The following ZDHHC19 variants were observed in gnomAD, a reference collection of about 807,000 sequenced individuals.
The protein encoded by ZDHHC19 is palmitoyltransferase ZDHHC19.
A neutral mutation model predicts 33.9 loss-of-function variants in ZDHHC19; 30 were observed. The observed-to-expected ratio is 0.88, with a 90% CI of 0.66 to 1.20. ZDHHC19 has a LOEUF of 1.20. Among genes scored for constraint, ZDHHC19 ranks in the 50% most tolerant of loss-of-function variants. The pLI is 0.00. For synonymous variants in ZDHHC19, 178 were observed against 167.6 expected, an observed-to-expected ratio of 1.06 and a Z score of -0.48; for missense variants, 364 against 401.1, an observed-to-expected ratio of 0.91 and a Z score of 0.79.
chr3:196,209,622 G>T, intron 2 of ZDHHC19, 107 bp from the exon 3 acceptor site: 1 of 1,425,820 alleles, frequency 7.0e-7, no homozygotes, highest in Non-Finnish European at 9.5e-7. Flanking sequence ...GACAAGGTGG[G>T]CAGGGGAACC....
intron 5 of ZDHHC19, among the ~76,000 whole-genome samples, chr3:196,206,123 C>T (rs992240979): frequency 1.3e-5 from 2 of 152,074 alleles, no homozygotes; most frequent in African/African-American, 4.8e-5. Context: ...ACAATCTCGG[C>T]TCACTGCAAC....
At chr3:196,209,145 T>C in intron 3 of ZDHHC19, 1 of 571,822 alleles carries the variant, frequency 1.7e-6, no homozygotes, top group South Asian at 2.4e-5. Flanking sequence ...CCAGGACAGA[T>C]GCGGATGCCC....
chr3:196,201,132 G>A (rs910720352), intron 5 of ZDHHC19, among the ~76,000 whole-genome samples: 1 of 151,562 alleles, frequency 6.6e-6, no homozygotes, highest in African/African-American at 2.4e-5. Context: ...GAGTGCAGTG[G>A]CACGATCTTG....
intron 5 of ZDHHC19, among the ~76,000 whole-genome samples, chr3:196,201,977 T>A (rs990294974): frequency 6.6e-5 from 10 of 152,068 alleles, no homozygotes; most frequent in African/African-American, 2.4e-4. Flanking sequence ...TATGGATTCC[T>A]TTGTTGGTTG....
chr3:196,205,663 T>C (rs1174741757), intron 5 of ZDHHC19, among the ~76,000 whole-genome samples: 1 of 152,188 alleles, frequency 6.6e-6, no homozygotes, highest in East Asian at 1.9e-4. Context: ...CTTTTTGTTT[T>C]GGTTTTTGTT....
intron 5 of ZDHHC19, among the ~76,000 whole-genome samples, chr3:196,200,334 ATATATATATG>A (rs1160033173): frequency 3.2e-3 from 252 of 78,026 alleles, no homozygotes; most frequent in Middle Eastern, 9.3e-3. Flanking sequence ...AGGGATATAT[ATATATATATG>A]TATATATATA....
rs1452989921 is a variant in ZDHHC19, at chr3:196,203,313, G to A, written c.687+4085C>T. Among the ~76,000 whole-genome samples the A allele has an allele frequency of 6.6e-6, 1 of 152,112 alleles. No homozygotes were observed. The highest frequency in any genetic ancestry group is 1.5e-5 in the Non-Finnish European group (1 of 68,012). ...GAAATTGAACGGTATTAATAGTAGCGACATCTAGAGCACTCACTTGTACCA... is the reference window on the plus strand; with the variant it reads ...GAAATTGAACGGTATTAATAGTAGCAACATCTAGAGCACTCACTTGTACCA... On this transcript the variant is annotated intron_variant, in intron 5 of 7. Coordinates refer to ENST00000296326, the MANE Select transcript of ZDHHC19 (RefSeq NM_001039617.2). This position sits in a 1 kb window ranked among gnomAD's most constrained non-coding sequence, Gnocchi z 4.3.
intron 1 of ZDHHC19, 111 bp from the exon 2 acceptor site, chr3:196,210,848 A>C: frequency 2.1e-6 from 3 of 1,457,610 alleles, no homozygotes; most frequent in Non-Finnish European, 2.7e-6. Flanking sequence ...AGATCTAAAA[A>C]TCCAGGCTCC....
Position 196,209,015 on chromosome 3 carries a change from G to A in ZDHHC19, c.408+361C>T, listed in dbSNP as rs144235577. ...GACCCTCCAACTTGGACACCCAGGC[G>A]AGGACAGGCAAGGCCTCCCAGACCA... is the stretch of plus-strand genomic sequence containing the variant. On this transcript the variant is annotated intron_variant, in intron 3 of 7. Coordinates refer to ENST00000296326, the MANE Select transcript of ZDHHC19 (RefSeq NM_001039617.2). The A allele has an allele frequency of 4.0e-4, 120 of 299,862 alleles. No homozygotes were observed. In the East Asian group the frequency reaches 7.6e-3, roughly 19 times the overall value. 18.6% of individuals were successfully genotyped at this position (299,862 alleles called of 1,614,324 possible). A position where few individuals can be genotyped will look rare whatever the true frequency, so the allele number is the denominator to read the frequency against.
rs1723280160 is a variant in ZDHHC19, at chr3:196,211,224, G to A, written c.92C>T (p.Ala31Val). 1 of 1,614,088 alleles carries A rather than the reference G, an allele frequency of 6.2e-7. No homozygotes were observed. Among genetic ancestry groups the A allele is most frequent in the Admixed American group, 1.7e-5 (1 of 59,992 alleles). The stretch of plus-strand genomic sequence containing the variant: ...GACCAGCAGCACCACATTGAAGGCA[G>A]CAAAGAGGCTAGGGAGGAACCAGGG... The part of the protein sequence containing the change: ...PRPWFLPSLF[A>V]AFNVVLLVFF... The change falls in exon 1 of 8, where the codon GCT becomes GTT. Residue 31 changes from alanine to valine, a missense_variant. Physicochemically the swap from Ala to Val is moderately conservative, Grantham distance 64. Coordinates refer to ENST00000296326, the MANE Select transcript of ZDHHC19 (RefSeq NM_001039617.2).
At chr3:196,199,950 AAAGAAACTGGTATTGTATTAG>A (rs1722137585) in intron 5 of ZDHHC19, among the ~76,000 whole-genome samples, 1 of 151,732 alleles carries the variant, frequency 6.6e-6, no homozygotes, top group African/African-American at 2.4e-5. Flanking sequence ...GGCTCAGAAA[AAAGAAACTGGTATTGTATTAG>A]TCATTTAGAA....
In ZDHHC19 at chr3:196,209,385, G is replaced by C; in HGVS notation, c.399C>G (p.Ile133Met). The C allele has an allele frequency of 3.7e-6, 6 of 1,601,576 alleles. No individual in the cohort carries two copies. Among genetic ancestry groups the C allele is most frequent in the Non-Finnish European group, 5.1e-6 (6 of 1,174,596 alleles). ...GTAGAGGGGCACTCACCTCCACACA[G>C]ATGTTGCACCAGGGGCAGTGGTAAG... ...PRTYHCPWCNICVEDFDHHCK... is the reference protein window; with the variant it reads ...PRTYHCPWCNMCVEDFDHHCK... Residue 133 changes from isoleucine to methionine, a missense_variant, in exon 3 of 8, where the codon ATC (isoleucine) becomes ATG (methionine). Transcript: ENST00000296326.
intron 7 of ZDHHC19, 101 bp downstream of exon 7, chr3:196,198,175 A>T: frequency 8.4e-7 from 1 of 1,184,594 alleles, no homozygotes; most frequent in Non-Finnish European, 1.1e-6. Context: ...CTCCAGCTTC[A>T]GGGTCAGCCA....
At chr3:196,200,615 A>C (rs1357480307) in intron 5 of ZDHHC19, among the ~76,000 whole-genome samples, 2 of 148,974 alleles carry the variant, frequency 1.3e-5, no homozygotes, top group South Asian at 2.1e-4. Flanking sequence ...TGGCCTCCCA[A>C]AGTGCTGGGA....
rs762443104 is a variant in ZDHHC19, at chr3:196,208,505, CG to C, written c.463del (p.Arg155AlafsTer59). The C allele has an allele frequency of 1.4e-5, 22 of 1,614,050 alleles. No individual in the cohort carries two copies. The South Asian group carries it at 2.4e-4, about 18-fold the overall frequency. ...VNNCIGHRNF[R>X]FFMLLVLSLC... ...GGACAGGACAAGCAGCATGAAGAAG[CG>C]GAAGTTGCGGTGACCGATGCAGTTA... On this transcript the variant is annotated frameshift_variant, in exon 4 of 8. Coordinates refer to ENST00000296326, the MANE Select transcript of ZDHHC19 (RefSeq NM_001039617.2). LOFTEE classifies it high-confidence loss of function.
rs1166120532 is a variant in ZDHHC19 at position 196,198,828 on chromosome 3, C to T, written c.734G>A (p.Ser245Asn). The change falls in exon 6 of 8, where the codon AGC becomes AAC. Residue 245 changes from serine (S) to asparagine (N), a missense_variant. Transcript: ENST00000296326. ...TGCACAAATTGTTAAATACCAGTTG[C>T]TGGCACAGCCCTGGTCGAAGGGGTT... ...GYNPFDQGCA[S>N]NWYLTICAPL... The T allele has an allele frequency of 5.6e-6, 9 of 1,614,106 alleles. No homozygotes were observed. The South Asian group carries it at 7.7e-5, about 14-fold the overall frequency.
intron 5 of ZDHHC19, among the ~76,000 whole-genome samples, chr3:196,199,998 A>G (rs1471320049): frequency 6.6e-6 from 1 of 151,818 alleles, no homozygotes; most frequent in East Asian, 1.9e-4. Context: ...GATTAAATTT[A>G]TGGAATTTGG....
At chr3:196,204,855 C>T (rs2108729429) in intron 5 of ZDHHC19, among the ~76,000 whole-genome samples, 1 of 152,234 alleles carries the variant, frequency 6.6e-6, no homozygotes, top group Admixed American at 6.5e-5. Context: ...GCCTATAATC[C>T]CAGCACTTTG....
At chr3:196,202,288 T>A (rs1722415607) in intron 5 of ZDHHC19, 1 of 151,062 alleles carries the variant, frequency 6.6e-6, no homozygotes, top group Non-Finnish European at 1.5e-5. Flanking sequence ...GCCATTGCAC[T>A]CCAGCCGGGA....
Sources: allele counts gnomAD v4.1 joint callset (sites outside exome capture counted in the v4.1 genomes callset), GRCh38; gene constraint gnomAD v4.1.1; non-coding constraint Gnocchi (gnomAD v3.1); transcripts MANE v1.5; gene names NCBI Gene and HGNC (gene_info 2026-07-23, HGNC 2026-07-21).